Variants in MAP3K9 observed in about 807,000 individuals in gnomAD.
The protein encoded by MAP3K9 is mitogen-activated protein kinase kinase kinase 9.
MAP3K9 carries 46 observed loss-of-function variants against 95.8 expected under a neutral mutation model. That is an observed-to-expected ratio of 0.48 (90% CI 0.38 to 0.61). The LOEUF (loss-of-function observed/expected upper bound fraction) is 0.61, where lower values mean the gene tolerates loss of function less well. MAP3K9 is among the 20% of genes least tolerant of loss of function. MAP3K9 has a pLI of 0.00. For synonymous variants in MAP3K9, 533 were observed against 593.8 expected, an observed-to-expected ratio of 0.90 and a Z score of 1.49; for missense variants, 1,296 against 1,474.3, an observed-to-expected ratio of 0.88 and a Z score of 1.98.
chr14:70,809,037 G>A lies in MAP3K9; in HGVS notation c.135C>T (p.Pro45=), dbSNP rs773668297. 2.0e-5 allele frequency: 29 copies of A among 1,472,824 alleles called. No individual in the cohort carries two copies. The highest frequency in any genetic ancestry group is 2.3e-5 in the Non-Finnish European group (26 of 1,117,778). The allele number at this position is 1,472,824 out of a possible 1,614,324, so 91.2% of individuals were successfully genotyped here. Residue 45 remains proline, a synonymous_variant, in exon 1 of 12, where the codon CCC becomes CCT. Transcript: ENST00000554752. ...GCGGCGCGTCGCAGCCCAGCTCCCC[G>A]GGGCCCACCGCCGCCGCCGCCTCCT... ...EEEEAAAAVG[P]GELGCDAPLP...
At chr14:70,774,216 G>A (rs900556178) in intron 2 of MAP3K9, among the ~76,000 whole-genome samples, 3 of 152,216 alleles carry the variant, frequency 2.0e-5, no homozygotes, top group Admixed American at 6.5e-5. Context: ...TTCAAATACC[G>A]TGTAAATTAA....
intron 2 of MAP3K9, among the ~76,000 whole-genome samples, chr14:70,781,092 G>A (rs1213259807): frequency 6.6e-6 from 1 of 152,232 alleles, no homozygotes; most frequent in Non-Finnish European, 1.5e-5. Context: ...AGGTGGGTCT[G>A]TGTCCTCTCC....
intron 2 of MAP3K9, among the ~76,000 whole-genome samples, chr14:70,762,930 C>T (rs2054394926): frequency 6.6e-6 from 1 of 152,184 alleles, no homozygotes; most frequent in Non-Finnish European, 1.5e-5. Flanking sequence ...GGTCGAATTT[C>T]ATTCTTTTGC....
chr14:70,785,061 G>A (rs958115011), intron 2 of MAP3K9, among the ~76,000 whole-genome samples: 2 of 152,166 alleles, frequency 1.3e-5, no homozygotes, highest in Non-Finnish European at 2.9e-5. Context: ...AACAAGCAGA[G>A]CAGAAAGAAA....
rs377097193 is a variant in MAP3K9 at position 70,758,394 on chromosome 14, A to G, written c.1001+2608T>C. Among the ~76,000 whole-genome samples the G allele has an allele frequency of 6.2e-4, 94 of 152,346 alleles. 1 individual carries two copies. The highest frequency in any genetic ancestry group is 2.2e-3 in the African/African-American group (91 of 41,580). ...ATAACTTTTTTTTTAAAAAAAGGCA[A>G]TAACAAGTATTGAAAAGATGTGGTG... On this transcript the variant is annotated intron_variant, in intron 3 of 11. Transcript: ENST00000554752.
chr14:70,790,888 C>G (rs1369146666), intron 2 of MAP3K9, among the ~76,000 whole-genome samples: 1 of 152,112 alleles, frequency 6.6e-6, no homozygotes, highest in Non-Finnish European at 1.5e-5. Context: ...ATCATCGAAA[C>G]AAGGTGAAGA....
At chr14:70,759,213 C>T (rs879638765) in intron 3 of MAP3K9, among the ~76,000 whole-genome samples, 8 of 151,994 alleles carry the variant, frequency 5.3e-5, no homozygotes, top group African/African-American at 1.7e-4. Flanking sequence ...CTTAAGAGGC[C>T]GAGGTGGGCA....
intron 5 of MAP3K9, among the ~76,000 whole-genome samples, chr14:70,748,045 T>C (rs1774811610): frequency 6.8e-6 from 1 of 146,696 alleles, no homozygotes; most frequent in South Asian, 2.1e-4. Context: ...AGGCAGAGCC[T>C]GCAGTGAGCT....
chr14:70,728,950 CACAGGAGGCCTCAG>C lies in MAP3K9; in HGVS notation c.*1416_*1429del, dbSNP rs1330525109. 6.6e-6 allele frequency: 1 copy of C among 152,346 alleles called. No homozygotes were observed. Among genetic ancestry groups the C allele is most frequent in the Middle Eastern group, 3.4e-3 (1 of 294 alleles). 9.4% of individuals were successfully genotyped at this position (152,346 alleles called of 1,614,324 possible). On this transcript the variant is annotated 3_prime_UTR_variant, in exon 12 of 12. Transcript: ENST00000554752. ...CATAAAGACAACTGTTCACACATAA[CACAGGAGGCCTCAG>C]AGTAGTGGCATGGAGAAGACATACA... is the stretch of plus-strand genomic sequence containing the variant.
intron 2 of MAP3K9, among the ~76,000 whole-genome samples, chr14:70,788,281 T>C (rs2054769414): frequency 6.6e-6 from 1 of 152,180 alleles, no homozygotes; most frequent in African/African-American, 2.4e-5. Context: ...CCCAAAAATA[T>C]AATCACCAAT....
At chr14:70,783,934 T>A (rs1193378448) in intron 2 of MAP3K9, among the ~76,000 whole-genome samples, 1 of 152,236 alleles carries the variant, frequency 6.6e-6, no homozygotes, top group African/African-American at 2.4e-5. Flanking sequence ...TTAAATTCCA[T>A]AAACAATCAT....
At chr14:70,753,655 C>T (rs1450433535) in intron 3 of MAP3K9, among the ~76,000 whole-genome samples, 2 of 152,176 alleles carry the variant, frequency 1.3e-5, no homozygotes, top group African/African-American at 2.4e-5. Context: ...AAGTCACTGC[C>T]TCTGAGTACC....
intron 1 of MAP3K9, among the ~76,000 whole-genome samples, chr14:70,801,346 TG>T (rs1244510508): frequency 6.6e-6 from 1 of 152,264 alleles, no homozygotes; most frequent in Non-Finnish European, 1.5e-5. Flanking sequence ...TGCAGAATCC[TG>T]TACCAAAACC....
rs3814874 is a variant in MAP3K9, at chr14:70,733,094, C to T, written c.2275G>A (p.Val759Ile). 4.5e-4 allele frequency: 724 copies of T among 1,614,132 alleles called. 5 individuals are homozygous for T. The East Asian group carries it at 0.012, about 27-fold the overall frequency. The change falls in exon 11 of 12, where the codon GTT (valine) becomes ATT (isoleucine). Residue 759 changes from valine to isoleucine, a missense_variant. Val to Ile is a conservative substitution (Grantham distance 29). Around this residue, in one of 5 missense-constraint regions of MAP3K9, gnomAD observed 12 missense variants for 30.9 expected, o/e 0.39. Transcript: ENST00000554752. The stretch of plus-strand genomic sequence containing the variant: ...AACCCTAGGCCTGTGGCTGCCAGAA[C>T]AGCCCCACAGCCGAGCAGAGCCACC... ...CEVALLGCGAVLAATGLGFDL... is the reference protein window; with the variant it reads ...CEVALLGCGAILAATGLGFDL...
chr14:70,742,393 G>A lies in MAP3K9; in HGVS notation c.1525C>T (p.Arg509Trp), dbSNP rs779197132. Residue 509 changes from arginine to tryptophan, a missense_variant, in exon 6 of 12, where the codon CGG becomes TGG. By Grantham distance (101) the Arg-to-Trp change is moderately radical. Transcript: ENST00000554752. ...CGGTTGCCATCCTTGAGCTTCAGCC[G>A]GCTCTTCCTGAACTTGCCCTTGCGT... ...KKRKGKFRKS[R>W]LKLKDGNRIS... The A allele has an allele frequency of 2.0e-5, 32 of 1,614,178 alleles. No individual in the cohort carries two copies. Among genetic ancestry groups the A allele is most frequent in the Middle Eastern group, 3.3e-4 (2 of 6,058 alleles).
At chr14:70,808,543 G>A (rs1423326396) in intron 1 of MAP3K9, among the ~76,000 whole-genome samples, 1 of 152,156 alleles carries the variant, frequency 6.6e-6, no homozygotes, top group African/African-American at 2.4e-5. Flanking sequence ...AACTGAAGGT[G>A]AAGAAGCCCA....
rs267604044 is a variant in MAP3K9 at position 70,730,839 on chromosome 14, G to T, written c.2856C>A (p.Ser952Arg). ...GACGGGGGAATTCACCTGGGTCTCG[G>T]CTGGGACTGGGGGTTTTCAACATTC... ...GAGMLKTPSP[S>R]RDPGEFPRLP... Residue 952 changes from serine (S) to arginine (R), a missense_variant, in exon 12 of 12, where the codon AGC becomes AGA. Coordinates refer to ENST00000554752, the MANE Select transcript of MAP3K9 (RefSeq NM_001284230.2). The T allele has an allele frequency of 6.2e-7, 1 of 1,608,124 alleles. No individual in the cohort carries two copies.
intron 3 of MAP3K9, among the ~76,000 whole-genome samples, chr14:70,759,260 C>A (rs986524319): frequency 6.6e-6 from 1 of 152,094 alleles, no homozygotes. Context: ...GCCTGGTCAA[C>A]ATGGTGAAAT....
chr14:70,787,312 G>A (rs1307636563), intron 2 of MAP3K9, among the ~76,000 whole-genome samples: 2 of 151,826 alleles, frequency 1.3e-5, no homozygotes, highest in African/African-American at 2.4e-5. Context: ...TTTGAGACCA[G>A]CCTGGCCAAC....
Sources: gnomAD v4.1 joint callset for allele counts (sites outside exome capture counted in the v4.1 genomes callset) on GRCh38, gnomAD v4.1.1 for gene constraint, gnomAD v4.1.1 regional missense constraint, MANE v1.5 for transcripts, NCBI Gene and HGNC (gene_info 2026-07-23, HGNC 2026-07-21) for gene names.